The following CDK5RAP1 variants were observed in gnomAD, a reference collection of about 807,000 sequenced individuals.
CDK5RAP1 encodes the protein CDK5RAP1 mitochondrial tRNA methylthiotransferase, also known as mitochondrial tRNA methylthiotransferase CDK5RAP1.
CDK5RAP1 carries 62 observed loss-of-function variants against 64.5 expected under a neutral mutation model. That is an observed-to-expected ratio of 0.96 (90% CI 0.78 to 1.19). The LOEUF (loss-of-function observed/expected upper bound fraction) is 1.19, where lower values mean the gene tolerates loss of function less well. Among genes scored for constraint, CDK5RAP1 ranks in the 50% most tolerant of loss-of-function variants. The pLI is 0.00. For missense variants in CDK5RAP1, 657 were observed against 735.0 expected, an observed-to-expected ratio of 0.89 and a Z score of 1.23; for synonymous variants, 250 against 261.9, an observed-to-expected ratio of 0.95 and a Z score of 0.44.
intron 6 of CDK5RAP1, 57 bp from the exon 7 acceptor site, chr20:33,385,827 A>G: frequency 6.5e-7 from 1 of 1,534,480 alleles, no homozygotes; most frequent in Non-Finnish European, 8.8e-7. Context: ...GGTATGACCC[A>G]AGGAGCAGGA....
At chr20:33,367,085 G>C (rs1984123637) in intron 11 of CDK5RAP1, 77 bp from the exon 12 acceptor site, 2 of 1,354,150 alleles carry the variant, frequency 1.5e-6, no homozygotes, top group Admixed American at 4.4e-5. Flanking sequence ...CACAGAGGGC[G>C]ACCATGTTCA....
chr20:33,393,860 G>T (rs1186789818), intron 4 of CDK5RAP1, among the ~76,000 whole-genome samples, 172 bp downstream of exon 4: 1 of 152,154 alleles, frequency 6.6e-6, no homozygotes, highest in Non-Finnish European at 1.5e-5. Context: ...CACGGTACAT[G>T]CCCAGCCAAT....
At chr20:33,385,277 C>T (rs560471171) in intron 7 of CDK5RAP1, among the ~76,000 whole-genome samples, 1 of 152,310 alleles carries the variant, frequency 6.6e-6, no homozygotes, top group Admixed American at 6.5e-5. Flanking sequence ...AGCTATGTGC[C>T]AGGTAATTTA....
chr20:33,373,656 G>A (rs888627740), intron 9 of CDK5RAP1: 15 of 156,540 alleles, frequency 9.6e-5, no homozygotes, highest in Non-Finnish European at 1.4e-4. Context: ...CACATAGAGC[G>A]ACATTTAAAT....
chr20:33,376,323 C>T (rs777346296), intron 8 of CDK5RAP1, among the ~76,000 whole-genome samples: 3 of 150,570 alleles, frequency 2.0e-5, no homozygotes, highest in Non-Finnish European at 3.0e-5. Context: ...GACTCAGTCT[C>T]GAAAAAAAAT....
chr20:33,399,792 G>A (rs562088197), intron 1 of CDK5RAP1, among the ~76,000 whole-genome samples: 15 of 152,158 alleles, frequency 9.9e-5, no homozygotes, highest in Non-Finnish European at 1.9e-4. Context: ...TTGGGAGGCC[G>A]AGGCAGGCGG....
At position 33,366,920 on chromosome 20, in the gene CDK5RAP1, T is replaced by G; in HGVS notation, c.1481A>C (p.Glu494Ala). 2 of 1,614,068 alleles carry G rather than the reference T, an allele frequency of 1.2e-6. No individual in the cohort carries two copies. The highest frequency in any genetic ancestry group is 1.7e-6 in the Non-Finnish European group (2 of 1,180,008). Residue 494 changes from glutamate to alanine, a missense_variant, in exon 12 of 14, where the codon GAA becomes GCA. Transcript: ENST00000346416. ...RLEELITIFR[E>A]EATKANQTSV... ...GGTCTGATTGGCTTTTGTTGCTTCT[T>G]CTCGGAAGATAGTGATGAGTTCCTC...
At position 33,379,513 on chromosome 20, in the gene CDK5RAP1, G is replaced by A; in HGVS notation, c.1055C>T (p.Pro352Leu). Residue 352 changes from proline to leucine, a missense_variant, in exon 8 of 14, where the codon CCT becomes CTT. By Grantham distance (98) the Pro-to-Leu change is moderately conservative (BLOSUM62 -3). Coordinates refer to ENST00000346416, the MANE Select transcript of CDK5RAP1 (RefSeq NM_016408.4). ...HLLDQVSRVD[P>L]EMRIRFTSPH... is the part of the protein sequence containing the mutation. ...AGAGGTAAAACGGATCCTCATTTCA[G>A]GATCTACTCTGGAGACCTGATCCAG... 6.2e-7 allele frequency: 1 copy of A among 1,614,092 alleles called. No homozygotes were observed. The highest frequency in any genetic ancestry group is 8.5e-7 in the Non-Finnish European group (1 of 1,179,994).
intron 8 of CDK5RAP1, among the ~76,000 whole-genome samples, chr20:33,375,053 A>T (rs556813359): frequency 6.6e-6 from 1 of 152,044 alleles, no homozygotes; most frequent in South Asian, 2.1e-4. Context: ...ACCATCAAAA[A>T]ACTGATACTA....
At chr20:33,361,232 G>A (rs185969383) in intron 12 of CDK5RAP1, among the ~76,000 whole-genome samples, 219 of 152,258 alleles carry the variant, frequency 1.4e-3, no homozygotes, top group Non-Finnish European at 2.5e-3. Flanking sequence ...GAAGCAGGAG[G>A]GGAGAGCTCA....
At position 33,380,388 on chromosome 20, in the gene CDK5RAP1, G is replaced by A. The variant is rs552816562; in HGVS notation, c.877-697C>T. On this transcript the variant is annotated intron_variant, in intron 7 of 13. Transcript: ENST00000346416. ...GACTACCTTTTTTTACTTTTGTAGA[G>A]ATGGGATTTCACCATGTTGCACAGA... is the stretch of plus-strand genomic sequence containing the variant. 2.0e-5 allele frequency among the ~76,000 whole-genome samples: 3 copies of A among 152,188 alleles called. No individual in the cohort carries two copies. In the East Asian group the frequency reaches 5.8e-4, roughly 29 times the overall value.
chr20:33,372,570 T>G, intron 10 of CDK5RAP1, 72 bp downstream of exon 10: 1 of 704,714 alleles, frequency 1.4e-6, no homozygotes, highest in Non-Finnish European at 2.2e-6. Flanking sequence ...CCAAAGGTGT[T>G]GACTGTATCT....
chr20:33,390,343 A>G (rs556604913), intron 5 of CDK5RAP1, among the ~76,000 whole-genome samples: 29 of 152,214 alleles, frequency 1.9e-4, no homozygotes, highest in African/African-American at 6.5e-4. Flanking sequence ...TGAGGACATT[A>G]TGATAAGCCA....
At chr20:33,380,204 A>G (rs1332628654) in intron 7 of CDK5RAP1, among the ~76,000 whole-genome samples, 1 of 152,198 alleles carries the variant, frequency 6.6e-6, no homozygotes, top group East Asian at 1.9e-4. Flanking sequence ...AACAACAACA[A>G]AAAATAAAAG....
rs6059291 is a variant in CDK5RAP1, at chr20:33,381,654, C to T, written c.877-1963G>A. On this transcript the variant is annotated intron_variant, in intron 7 of 13. Transcript: ENST00000346416. ...AGTTGCCCAGGCTAGTCTCAAACTC[C>T]GGAGCTCAGACAATCTGCACACCAT... Among the ~76,000 whole-genome samples the T allele has an allele frequency of 2.1e-3, 313 of 152,164 alleles. 1 individual carries two copies. Among genetic ancestry groups the T allele is most frequent in the African/African-American group, 6.7e-3 (279 of 41,512 alleles).
At chr20:33,385,915 G>T in intron 6 of CDK5RAP1, 145 bp from the exon 7 acceptor site, 1 of 696,968 alleles carries the variant, frequency 1.4e-6, no homozygotes, top group Non-Finnish European at 2.3e-6. Flanking sequence ...TGAGATCTAA[G>T]CACTAAAGTA....
In CDK5RAP1 at chr20:33,377,494, CCT is replaced by C. The variant is rs1228127883; in HGVS notation, c.1107+1965_1107+1966del. ...AAACTTTTCTTCTTCAGCTTCCTCA[CCT>C]CTCTTGGGCTTCAGAGAACTGAAGA... On this transcript the variant is annotated intron_variant, in intron 8 of 13. Coordinates refer to ENST00000346416, the MANE Select transcript of CDK5RAP1 (RefSeq NM_016408.4). 5.3e-5 allele frequency among the ~76,000 whole-genome samples: 8 copies of C among 152,328 alleles called. No homozygotes were observed. In the East Asian group the frequency reaches 1.5e-3, roughly 29 times the overall value.
At chr20:33,389,161 T>C (rs1987921528) in intron 5 of CDK5RAP1, among the ~76,000 whole-genome samples, 1 of 137,534 alleles carries the variant, frequency 7.3e-6, no homozygotes, top group African/African-American at 2.8e-5. Context: ...CCGGCCGCCA[T>C]CCCGTCTAGG....
At chr20:33,374,667 G>C (rs551500750) in intron 8 of CDK5RAP1, among the ~76,000 whole-genome samples, 1 of 151,766 alleles carries the variant, frequency 6.6e-6, no homozygotes, top group East Asian at 2.0e-4. Context: ...GGGTTCAAGC[G>C]ATTCTCCTGC....
Sources: allele counts gnomAD v4.1 joint callset (sites outside exome capture counted in the v4.1 genomes callset), GRCh38; gene constraint gnomAD v4.1.1; transcripts MANE v1.5; gene names NCBI Gene and HGNC (gene_info 2026-07-23, HGNC 2026-07-21).